The following ERC2 variants were observed in gnomAD, a reference collection of about 807,000 sequenced individuals.
ERC2 encodes the protein ERC protein 2.
Under a neutral mutation model 114.8 loss-of-function variants are expected in ERC2, and 42 were observed. The observed-to-expected ratio is 0.37, with a 90% CI of 0.29 to 0.47. The LOEUF is 0.47. ERC2 is among the 20% of genes least tolerant of loss of function. The pLI, the probability that ERC2 is intolerant of heterozygous loss-of-function variation, is 0.99. For synonymous variants in ERC2, 454 were observed against 425.5 expected (o/e 1.07, Z -0.82); for missense variants, 939 against 1,150.7 (o/e 0.82, Z 2.66).
At chr3:56,194,876 G>C (rs1421764279) in intron 3 of ERC2, among the ~76,000 whole-genome samples, 1 of 151,680 alleles carries the variant, frequency 6.6e-6, no homozygotes, top group East Asian at 1.9e-4. Flanking sequence ...CAACGGTGTG[G>C]CACAGACATG....
At chr3:55,528,845 A>C (rs776246009) in intron 17 of ERC2, among the ~76,000 whole-genome samples, 6 of 152,062 alleles carry the variant, frequency 3.9e-5, no homozygotes, top group Middle Eastern at 3.2e-3. Context: ...TAGTTTGATA[A>C]CGAAAAATGT....
chr3:55,763,397 T>G (rs367559640), intron 14 of ERC2, among the ~76,000 whole-genome samples: 1 of 152,214 alleles, frequency 6.6e-6, no homozygotes, highest in African/African-American at 2.4e-5. Flanking sequence ...AATGGCCATC[T>G]TGAGTGAGAC....
chr3:55,935,862 A>G (rs1294912680), intron 13 of ERC2, among the ~76,000 whole-genome samples: 2 of 152,156 alleles, frequency 1.3e-5, no homozygotes, highest in African/African-American at 4.8e-5. Context: ...GAAATGAAAA[A>G]CAGCTAGGGT....
At chr3:55,893,054 A>T (rs2063686530) in intron 13 of ERC2, among the ~76,000 whole-genome samples, 1 of 152,116 alleles carries the variant, frequency 6.6e-6, no homozygotes, top group Non-Finnish European at 1.5e-5. Flanking sequence ...CCCTTTCACC[A>T]TGTAGGGACA....
At chr3:56,146,718 G>A (rs1300816199) in intron 5 of ERC2, among the ~76,000 whole-genome samples, 1 of 152,090 alleles carries the variant, frequency 6.6e-6, no homozygotes, top group African/African-American at 2.4e-5. Context: ...AAGAATGTGT[G>A]GTCAAGTGAC....
intron 17 of ERC2, among the ~76,000 whole-genome samples, chr3:55,590,374 C>G (rs2057814413): frequency 6.6e-6 from 1 of 152,166 alleles, no homozygotes; most frequent in Non-Finnish European, 1.5e-5. Context: ...AGAGCACATC[C>G]TCTGACTCAG....
intron 1 of ERC2, among the ~76,000 whole-genome samples, chr3:56,459,728 G>C (rs772523848): frequency 6.6e-6 from 1 of 152,212 alleles, no homozygotes; most frequent in Non-Finnish European, 1.5e-5. Context: ...TCTCACCATT[G>C]ACTTCCAGGA....
At chr3:56,236,557 G>C (rs1037390908) in intron 3 of ERC2, among the ~76,000 whole-genome samples, 1 of 152,130 alleles carries the variant, frequency 6.6e-6, no homozygotes, top group Non-Finnish European at 1.5e-5. Flanking sequence ...ACAGAAAACG[G>C]TGTGCTTTGA....
chr3:56,210,977 G>T (rs1296071965), intron 3 of ERC2, among the ~76,000 whole-genome samples: 4 of 152,112 alleles, frequency 2.6e-5, no homozygotes, highest in African/African-American at 9.7e-5. Flanking sequence ...GGCAAAAGTT[G>T]GTTCTTAGGG....
chr3:56,133,090 C>T (rs933943683), intron 6 of ERC2, among the ~76,000 whole-genome samples: 2 of 152,248 alleles, frequency 1.3e-5, no homozygotes, highest in Admixed American at 6.5e-5. Flanking sequence ...TTGAAAATTC[C>T]GTGAACTCAC....
At chr3:56,443,958 A>ATTTTTTTTT (rs11343406) in intron 1 of ERC2, among the ~76,000 whole-genome samples, 2,980 of 80,086 alleles carry the variant, frequency 0.037, 94 homozygotes, top group Non-Finnish European at 0.051. Flanking sequence ...AATACCTACA[A>ATTTTTTTTT]TTTTTTTTTT....
chr3:55,609,243 T>C (rs1443707382), intron 17 of ERC2, among the ~76,000 whole-genome samples: 1 of 152,182 alleles, frequency 6.6e-6, no homozygotes, highest in Non-Finnish European at 1.5e-5. Flanking sequence ...TTGCCCCCAC[T>C]TTTATTTAAT....
intron 1 of ERC2, among the ~76,000 whole-genome samples, chr3:56,446,484 G>T (rs2062568139): frequency 6.6e-6 from 1 of 152,078 alleles, no homozygotes; most frequent in Non-Finnish European, 1.5e-5. Context: ...GTTCCCCACC[G>T]GCAGATGCTG....
intron 12 of ERC2, among the ~76,000 whole-genome samples, chr3:55,961,661 G>A (rs1176843633): frequency 1.3e-5 from 2 of 151,834 alleles, no homozygotes; most frequent in Non-Finnish European, 2.9e-5. Flanking sequence ...TTGGTCAATG[G>A]ATGAAACAAG....
At chr3:55,538,627 G>A (rs1440309029) in intron 17 of ERC2, among the ~76,000 whole-genome samples, 2 of 152,166 alleles carry the variant, frequency 1.3e-5, no homozygotes, top group Non-Finnish European at 2.9e-5. Context: ...GGCATTTTTG[G>A]ATTCACAAAA....
intron 4 of ERC2, among the ~76,000 whole-genome samples, chr3:56,159,508 T>C (rs1199276942): frequency 6.6e-6 from 1 of 152,214 alleles, no homozygotes; most frequent in African/African-American, 2.4e-5. Flanking sequence ...ATTTTGCGCT[T>C]TTTATCAACT....
intron 3 of ERC2, among the ~76,000 whole-genome samples, chr3:56,178,866 A>T (rs996172006): frequency 6.6e-6 from 1 of 152,168 alleles, no homozygotes; most frequent in African/African-American, 2.4e-5. Context: ...AGAATGGGAA[A>T]TACTAGGGAG....
chr3:55,821,201 C>T (rs543796853), intron 14 of ERC2, among the ~76,000 whole-genome samples: 1 of 152,268 alleles, frequency 6.6e-6, no homozygotes, highest in African/African-American at 2.4e-5. Context: ...CCCTACTGTT[C>T]CTCCAGATGA....
intron 17 of ERC2, among the ~76,000 whole-genome samples, chr3:55,563,385 C>A (rs189185391): frequency 6.7e-6 from 1 of 149,480 alleles, no homozygotes; most frequent in East Asian, 2.0e-4. Context: ...ATTGCTCTCA[C>A]GTATTTGGTA....
Sources: gnomAD v4.1 joint callset for allele counts (sites outside exome capture counted in the v4.1 genomes callset) on GRCh38, gnomAD v4.1.1 for gene constraint, MANE v1.5 for transcripts, NCBI Gene and HGNC (gene_info 2026-07-23, HGNC 2026-07-21) for gene names.